The following PLCXD1 variants were observed in gnomAD, a reference collection of about 807,000 sequenced individuals.
PLCXD1 encodes the protein PI-PLC X domain-containing protein 1.
PLCXD1 carries 45 observed loss-of-function variants against 37.8 expected under a neutral mutation model. That is an observed-to-expected ratio of 1.19 (90% CI 0.94 to 1.53). PLCXD1 has a LOEUF of 1.53. Ranked by LOEUF, PLCXD1 falls within the 40% of genes most tolerant of loss-of-function variation. The pLI is 0.00. For synonymous variants in PLCXD1, 246 were observed against 206.9 expected, an observed-to-expected ratio of 1.19 and a Z score of -1.62; for missense variants, 539 against 454.7, an observed-to-expected ratio of 1.19 and a Z score of -1.69.
In PLCXD1 at chrX:293,351, G is replaced by A. The variant is rs924780520; in HGVS notation, c.733+133G>A. ...AAAAGGAATCCATGAGCTGGGCGTG[G>A]TAATCCCTGTACCTGTAATCCCAGC... On this transcript the variant is annotated intron_variant, in intron 6 of 6. Transcript: ENST00000381657. 4.3e-6 allele frequency: 3 copies of A among 699,442 alleles called. No individual in the cohort carries two copies. The African/African-American group carries it at 5.4e-5, about 13-fold the overall frequency. The allele number at this position is 699,442 out of a possible 1,614,324, so 43.3% of individuals were successfully genotyped here. A position where few individuals can be genotyped will look rare whatever the true frequency, so the allele number is the denominator to read the frequency against.
chrX:301,309 G>T lies in PLCXD1; in HGVS notation c.*1974G>T, dbSNP rs989857502. On this transcript the variant is annotated 3_prime_UTR_variant, in exon 7 of 7. Coordinates refer to ENST00000381657, the MANE Select transcript of PLCXD1 (RefSeq NM_018390.4). The stretch of plus-strand genomic sequence containing the variant: ...CACAGGCAGGCACCACCATGCCCAG[G>T]TAATTTTATTTTTTTGTAGAGACGT... 6.6e-6 allele frequency: 1 copy of T among 151,402 alleles called. No homozygotes were observed. The highest frequency in any genetic ancestry group is 2.1e-4 in the South Asian group (1 of 4,782). 9.4% of individuals were successfully genotyped at this position (151,402 alleles called of 1,614,324 possible). A position where few individuals can be genotyped will look rare whatever the true frequency, so the allele number is the denominator to read the frequency against.
rs188298227 is a variant in PLCXD1 at position 300,523 on chromosome X, T to C, written c.*1188T>C. 7.3e-4 allele frequency: 109 copies of C among 149,554 alleles called. 1 individual carries two copies. Among genetic ancestry groups the C allele is most frequent in the Non-Finnish European group, 7.8e-4 (53 of 67,616 alleles). The allele number at this position is 149,554 out of a possible 1,614,324, so 9.3% of individuals were successfully genotyped here. Reference sequence around the variant, plus strand: ...ATATATGTATATGTGTGCATATGTGTATACGTGTATGCATACATGTATATG... The same window carrying C: ...ATATATGTATATGTGTGCATATGTGCATACGTGTATGCATACATGTATATG... On this transcript the variant is annotated 3_prime_UTR_variant, in exon 7 of 7. Coordinates refer to ENST00000381657, the MANE Select transcript of PLCXD1 (RefSeq NM_018390.4).
Position 291,549 on chromosome X carries a change from G to C in PLCXD1, c.444G>C (p.Val148=). The change falls in exon 5 of 7, where the codon GTG becomes GTC. Residue 148 remains valine (V), a synonymous_variant. Coordinates refer to ENST00000381657, the MANE Select transcript of PLCXD1 (RefSeq NM_018390.4). ...GGCTGGAGCGGCATCCACGCGAGGTGGTCATCCTGGCCTGCAGAAACTTCG... is the reference window on the plus strand; with the variant it reads ...GGCTGGAGCGGCATCCACGCGAGGTCGTCATCCTGGCCTGCAGAAACTTCG... ...SEWLERHPRE[V]VILACRNFEG... 2 of 1,613,036 alleles carry C rather than the reference G, an allele frequency of 1.2e-6. No homozygotes were observed. Among genetic ancestry groups the C allele is most frequent in the East Asian group, 2.2e-5 (1 of 44,880 alleles).
intron 6 of PLCXD1, among the ~76,000 whole-genome samples, chrX:297,371 C>A (rs755193896): frequency 5.2e-5 from 2 of 38,324 alleles, no homozygotes; most frequent in Non-Finnish European, 4.4e-5. Flanking sequence ...TATTCTGTCT[C>A]CCACATGGGG....
intron 1 of PLCXD1, among the ~76,000 whole-genome samples, chrX:282,155 T>G (rs2069292566): frequency 6.6e-6 from 1 of 152,210 alleles, no homozygotes; most frequent in South Asian, 2.1e-4. Context: ...ACAATTCTAA[T>G]TGATTTGATT....
At chrX:289,286 A>T (rs2069551741) in intron 3 of PLCXD1, among the ~76,000 whole-genome samples, 1 of 151,828 alleles carries the variant, frequency 6.6e-6, no homozygotes, top group Non-Finnish European at 1.5e-5. Context: ...ATGGGGTTTT[A>T]CCGTGTTAGT....
intron 6 of PLCXD1, among the ~76,000 whole-genome samples, chrX:295,288 G>A (rs1370052807): frequency 6.6e-6 from 1 of 152,134 alleles, no homozygotes; most frequent in Non-Finnish European, 1.5e-5. Context: ...GTGTCCTCCG[G>A]AGGCAGGAGC....
chrX:292,387 G>A (rs1358289880), intron 5 of PLCXD1, among the ~76,000 whole-genome samples: 4 of 151,928 alleles, frequency 2.6e-5, no homozygotes, highest in Admixed American at 6.6e-5. Context: ...TGAACCCGGG[G>A]GGTGGAGGTT....
chrX:290,313 C>T (rs1336921425), intron 3 of PLCXD1, among the ~76,000 whole-genome samples: 4 of 151,974 alleles, frequency 2.6e-5, no homozygotes, highest in African/African-American at 4.8e-5. Flanking sequence ...GCCTGCAGTC[C>T]CAGCTACTGG....
At chrX:291,682 C>T in intron 5 of PLCXD1, 28 bp downstream of exon 5, 1 of 1,609,450 alleles carries the variant, frequency 6.2e-7, no homozygotes, top group Non-Finnish European at 8.5e-7. Context: ...ATCCGCACGT[C>T]TCTCCCGGGG....
chrX:299,854 G>C lies in PLCXD1; in HGVS notation c.*519G>C, dbSNP rs1174814281. 2 of 153,164 alleles carry C rather than the reference G, an allele frequency of 1.3e-5. No homozygotes were observed. Among genetic ancestry groups the C allele is most frequent in the African/African-American group, 5.1e-5 (2 of 39,334 alleles). The allele number at this position is 153,164 out of a possible 1,614,324, so 9.5% of individuals were successfully genotyped here. A position where few individuals can be genotyped will look rare whatever the true frequency, so the allele number is the denominator to read the frequency against. On this transcript the variant is annotated 3_prime_UTR_variant, in exon 7 of 7. Transcript: ENST00000381657. ...GTGGAACATGAGGTCAGGAGTTCGA[G>C]ACCAGCCTGACCAACATGGTGAAAC...
chrX:296,279 C>A (rs181450620), intron 6 of PLCXD1, among the ~76,000 whole-genome samples: 9 of 152,216 alleles, frequency 5.9e-5, no homozygotes, highest in Admixed American at 5.2e-4. Flanking sequence ...TACCACCATG[C>A]TGAGCTAATT....
At position 298,778 on chromosome X, in the gene PLCXD1, A is replaced by C. The variant is rs35648479; in HGVS notation, c.734-319A>C. ...GATTAGGACGTGGACATCTTTGGGG[A>C]CATTATTCTGTCTATCACATGGGGA... On this transcript the variant is annotated intron_variant, in intron 6 of 6. Coordinates refer to ENST00000381657, the MANE Select transcript of PLCXD1 (RefSeq NM_018390.4). Among the ~76,000 whole-genome samples the C allele has an allele frequency of 5.0e-3, 438 of 87,494 alleles. 1 individual carries two copies. The highest frequency in any genetic ancestry group is 7.8e-3 in the African/African-American group (149 of 19,222). The allele number at this position is 87,494 out of a possible 152,430, so 57.4% of individuals were successfully genotyped here. A position where few individuals can be genotyped will look rare whatever the true frequency, so the allele number is the denominator to read the frequency against.
At chrX:294,365 C>T (rs1242856485) in intron 6 of PLCXD1, among the ~76,000 whole-genome samples, 1 of 152,006 alleles carries the variant, frequency 6.6e-6, no homozygotes. Flanking sequence ...GCCTGTAATC[C>T]CAGCTACTCC....
chrX:284,419 G>T lies in PLCXD1; in HGVS notation c.127+105G>T, dbSNP rs982973155. On this transcript the variant is annotated intron_variant, in intron 2 of 6. Coordinates refer to ENST00000381657, the MANE Select transcript of PLCXD1 (RefSeq NM_018390.4). ...TCCCCAGTGGGGACGCTGGCTGTAG[G>T]AGCAATCCTGGGTGTAGGGAAATCC... 3.9e-6 allele frequency: 5 copies of T among 1,293,556 alleles called. No individual in the cohort carries two copies. The African/African-American group carries it at 4.3e-5, about 11-fold the overall frequency. The allele number at this position is 1,293,556 out of a possible 1,614,324, so 80.1% of individuals were successfully genotyped here. A position where few individuals can be genotyped will look rare whatever the true frequency, so the allele number is the denominator to read the frequency against.
upstream of PLCXD1, among the ~76,000 whole-genome samples, chrX:279,882 C>G (rs1044403324): frequency 1.3e-5 from 2 of 152,090 alleles, no homozygotes; most frequent in Non-Finnish European, 2.9e-5. Context: ...GGGAGTCTCA[C>G]TCTGTCTCCC....
At chrX:297,447 C>A (rs752452792) in intron 6 of PLCXD1, among the ~76,000 whole-genome samples, 1 of 88,464 alleles carries the variant, frequency 1.1e-5, no homozygotes, top group Non-Finnish European at 2.1e-5. Flanking sequence ...ACGTGGACAT[C>A]TTTGGGGACA....
Position 302,765 on chromosome X carries a change from G to C in PLCXD1, c.*3430G>C, listed in dbSNP as rs973651795. The C allele has an allele frequency of 5.3e-5, 8 of 152,108 alleles. No homozygotes were observed. Among genetic ancestry groups the C allele is most frequent in the Non-Finnish European group, 8.8e-5 (6 of 68,004 alleles). 9.4% of individuals were successfully genotyped at this position (152,108 alleles called of 1,614,324 possible). A position where few individuals can be genotyped will look rare whatever the true frequency, so the allele number is the denominator to read the frequency against. The stretch of plus-strand genomic sequence containing the variant: ...ATTTTTGTGTGTTTAGCAGAGACGG[G>C]GTTTCACCATGTTGGCCAGGCTGGT... On this transcript the variant is annotated 3_prime_UTR_variant, in exon 7 of 7. Coordinates refer to ENST00000381657, the MANE Select transcript of PLCXD1 (RefSeq NM_018390.4).
upstream of PLCXD1, among the ~76,000 whole-genome samples, chrX:277,338 T>TCGGGGGACG (rs771108891): frequency 3.8e-5 from 1 of 26,450 alleles, no homozygotes; most frequent in African/African-American, 1.2e-4. Flanking sequence ...AGGGGAGGGG[T>TCGGGGGACG]TGGGGAACGT....
Sources: gnomAD v4.1 joint callset for allele counts (sites outside exome capture counted in the v4.1 genomes callset) on GRCh38, gnomAD v4.1.1 for gene constraint, MANE v1.5 for transcripts, NCBI Gene and HGNC (gene_info 2026-07-23, HGNC 2026-07-21) for gene names.